CHM: variants seen among roughly 807,000 people sequenced by gnomAD.
The protein encoded by CHM is CHM Rab escort protein.
In CHM, 10 loss-of-function variants were observed where a neutral mutation model predicts 49.0. That is an observed-to-expected ratio of 0.20 (90% CI 0.13 to 0.35). The LOEUF (loss-of-function observed/expected upper bound fraction) is 0.35, where lower values mean the gene tolerates loss of function less well. Ranked by LOEUF, CHM falls within the 10% of genes least tolerant of loss-of-function variation. CHM has a pLI of 1.00. For missense variants in CHM, 455 were observed against 478.4 expected (o/e 0.95, Z 0.46); for synonymous variants, 184 against 167.5 (o/e 1.10, Z -0.76).
At chrX:85,879,692 G>A (rs1238471040) in intron 12 of CHM, among the ~76,000 whole-genome samples, 1 of 111,321 alleles carries the variant, frequency 9.0e-6, no homozygotes, top group Admixed American at 9.6e-5. Flanking sequence ...GCCTAACTCC[G>A]TTAAAACTCC....
intron 8 of CHM, among the ~76,000 whole-genome samples, chrX:85,912,880 G>A: frequency 9.2e-6 from 1 of 108,835 alleles, no homozygotes; most frequent in African/African-American, 3.3e-5. Flanking sequence ...AGGTACGGCG[G>A]TGCATGCCTG....
Position 85,873,229 on chromosome X carries a change from ATTTT to A in CHM, c.1610-21_1610-18del, listed in dbSNP as rs1328548202. ...GTTCATTTTCTAAATATAGAAATAA[ATTTT>A]ATTTACATTCTAAAATACAATATGT... On this transcript the variant is annotated intron_variant, in intron 13 of 14. Coordinates refer to ENST00000357749, the MANE Select transcript of CHM (RefSeq NM_000390.4). 1 of 1,070,581 alleles carries A rather than the reference ATTTT, an allele frequency of 9.3e-7. No homozygotes were observed. Among genetic ancestry groups the A allele is most frequent in the African/African-American group, 1.8e-5 (1 of 54,350 alleles). The allele number at this position is 1,070,581 out of a possible 1,213,427, so 88.2% of individuals were successfully genotyped here. A position where few individuals can be genotyped will look rare whatever the true frequency, so the allele number is the denominator to read the frequency against.
Position 85,864,582 on chromosome X carries a change from G to A in CHM, c.*48C>T, listed in dbSNP as rs1449210442. 1 of 1,064,234 alleles carries A rather than the reference G, an allele frequency of 9.4e-7. No homozygotes were observed. The highest frequency in any genetic ancestry group is 2.3e-5 in the Admixed American group (1 of 43,877). The allele number at this position is 1,064,234 out of a possible 1,213,427, so 87.7% of individuals were successfully genotyped here. A position where few individuals can be genotyped will look rare whatever the true frequency, so the allele number is the denominator to read the frequency against. ...AGTCCTTCTATCAAGTAGACTCTGA[G>A]ACCAGTCAGAATTTCCAAAGTTGGG... On this transcript the variant is annotated 3_prime_UTR_variant, in exon 15 of 15. Coordinates refer to ENST00000357749, the MANE Select transcript of CHM (RefSeq NM_000390.4).
At chrX:86,024,970 T>G (rs182130477) in intron 2 of CHM, among the ~76,000 whole-genome samples, 1 of 111,010 alleles carries the variant, frequency 9.0e-6, no homozygotes, top group East Asian at 2.9e-4. Context: ...CTGTGGAACA[T>G]CTAGATGAAG....
At chrX:85,924,381 T>A (rs1390019614) in intron 8 of CHM, among the ~76,000 whole-genome samples, 1 of 111,171 alleles carries the variant, frequency 9.0e-6, no homozygotes, top group Admixed American at 9.6e-5. Flanking sequence ...AGAACAAGTA[T>A]AAGGTAATGT....
chrX:86,047,527 C>T lies in CHM; in HGVS notation c.6G>A (p.Ala2=). M[A]DTLPSEFDVI... ...CATCAAACTCCGAAGGGAGAGTATC[C>T]GCCATCTTGACGGGAAACGTGTCAT... Residue 2 remains alanine, a synonymous_variant, in exon 1 of 15, where the codon GCG becomes GCA. Transcript: ENST00000357749. The T allele has an allele frequency of 1.7e-6, 2 of 1,205,051 alleles. No homozygotes were observed. The highest frequency in any genetic ancestry group is 2.2e-6 in the Non-Finnish European group (2 of 891,118).
chrX:85,997,522 C>G (rs184243213), intron 2 of CHM, among the ~76,000 whole-genome samples: 1 of 111,255 alleles, frequency 9.0e-6, no homozygotes, highest in Non-Finnish European at 1.9e-5. Flanking sequence ...TGTAGGAAAA[C>G]GGATGCCAAT....
intron 8 of CHM, among the ~76,000 whole-genome samples, chrX:85,931,966 T>C (rs1017172308): frequency 8.9e-6 from 1 of 112,364 alleles, no homozygotes; most frequent in Admixed American, 9.5e-5. Context: ...GCTTGATTTC[T>C]GATAGTATCT....
intron 2 of CHM, among the ~76,000 whole-genome samples, chrX:85,988,450 G>C (rs1286650754): frequency 8.9e-6 from 1 of 111,807 alleles, no homozygotes; most frequent in African/African-American, 3.3e-5. Context: ...CACAAGACAA[G>C]AATGCCCTCT....
chrX:85,934,223 G>C (rs1027250569), intron 8 of CHM, among the ~76,000 whole-genome samples: 2 of 104,246 alleles, frequency 1.9e-5, no homozygotes, highest in Non-Finnish European at 3.9e-5. Context: ...CTTGTGATCT[G>C]CCCACCTTGG....
At chrX:85,919,497 C>T (rs1298098220) in intron 8 of CHM, among the ~76,000 whole-genome samples, 4 of 109,822 alleles carry the variant, frequency 3.6e-5, no homozygotes, top group Non-Finnish European at 5.7e-5. Context: ...TTATAGATGC[C>T]GAGATACAGG....
intron 8 of CHM, among the ~76,000 whole-genome samples, chrX:85,913,384 GAAAA>G (rs1490935343): frequency 4.2e-5 from 4 of 95,315 alleles, no homozygotes; most frequent in African/African-American, 7.6e-5. Context: ...AAGAAAGAAA[GAAAA>G]AAGGAAAAGG....
chrX:85,897,158 T>A (rs1925926260), intron 11 of CHM, among the ~76,000 whole-genome samples: 1 of 92,478 alleles, frequency 1.1e-5, no homozygotes, highest in African/African-American at 4.5e-5. Context: ...ATATAGCATA[T>A]ATATCTAATA....
At chrX:85,899,607 A>C (rs906285767) in intron 11 of CHM, among the ~76,000 whole-genome samples, 20 of 109,678 alleles carry the variant, frequency 1.8e-4, no homozygotes, top group African/African-American at 6.3e-4. Flanking sequence ...TATTTTTTTA[A>C]AAACACATTT....
chrX:85,976,040 G>C (rs1931236842), intron 4 of CHM, among the ~76,000 whole-genome samples: 1 of 111,857 alleles, frequency 8.9e-6, no homozygotes, highest in Non-Finnish European at 1.9e-5. Flanking sequence ...TCTCTTAAAA[G>C]GGTACAATTT....
At chrX:85,947,293 G>A (rs746109635) in intron 8 of CHM, among the ~76,000 whole-genome samples, 11 of 112,136 alleles carry the variant, frequency 9.8e-5, no homozygotes, top group Middle Eastern at 4.6e-3. Flanking sequence ...TATTGGAGGT[G>A]TGAAGCCTAT....
At chrX:85,876,074 T>G (rs1924393834) in intron 13 of CHM, among the ~76,000 whole-genome samples, 1 of 111,787 alleles carries the variant, frequency 8.9e-6, no homozygotes, top group African/African-American at 3.2e-5. Flanking sequence ...TGAATAGATA[T>G]TTCTCCAGAG....
intron 8 of CHM, among the ~76,000 whole-genome samples, chrX:85,951,327 T>C (rs1447013430): frequency 1.8e-5 from 2 of 110,895 alleles, no homozygotes; most frequent in African/African-American, 3.3e-5. Flanking sequence ...CCAAATTTGA[T>C]TCCTGAAAAA....
intron 3 of CHM, among the ~76,000 whole-genome samples, chrX:85,981,113 G>A: frequency 9.4e-6 from 1 of 105,840 alleles, no homozygotes. Context: ...ATGATTTTGG[G>A]GAAAAAATTA....
Sources: gnomAD v4.1 joint callset for allele counts (sites outside exome capture counted in the v4.1 genomes callset) on GRCh38, gnomAD v4.1.1 for gene constraint, MANE v1.5 for transcripts, NCBI Gene and HGNC (gene_info 2026-07-23, HGNC 2026-07-21) for gene names.